WDR72: variants seen among roughly 807,000 people sequenced by gnomAD.
WDR72 encodes WD repeat-containing protein 72.
Under a neutral mutation model 124.2 loss-of-function variants are expected in WDR72, and 120 were observed. The ratio of observed to expected loss-of-function variants is 0.97; its 90% CI spans 0.83 to 1.12. The LOEUF is 1.12. Ranked by LOEUF, WDR72 falls within the 50% of genes most tolerant of loss-of-function variation. The pLI, the probability that WDR72 is intolerant of heterozygous loss-of-function variation, is 0.00. For synonymous variants in WDR72, 452 were observed against 441.7 expected (o/e 1.02, Z -0.29); for missense variants, 1,387 against 1,278.8 (o/e 1.08, Z -1.29).
intron 12 of WDR72, among the ~76,000 whole-genome samples, chr15:53,701,129 T>C (rs996162087): frequency 1.3e-5 from 2 of 152,248 alleles, no homozygotes; most frequent in Non-Finnish European, 2.9e-5. Flanking sequence ...TAAGTTGACA[T>C]TTCATGAGAA....
intron 18 of WDR72, among the ~76,000 whole-genome samples, chr15:53,584,151 C>T (rs1204651542): frequency 2.0e-5 from 3 of 151,798 alleles, no homozygotes; most frequent in Admixed American, 6.6e-5. Context: ...AAATGGTAAA[C>T]GATTACAGAT....
At chr15:53,733,343 T>A (rs1567054999) in intron 1 of WDR72, among the ~76,000 whole-genome samples, 182 bp from the exon 2 acceptor site, 1 of 152,206 alleles carries the variant, frequency 6.6e-6, no homozygotes, top group Non-Finnish European at 1.5e-5. Flanking sequence ...GAAATTACCA[T>A]GCACACTGCT....
At position 53,517,295 on chromosome 15, in the gene WDR72, T is replaced by C. The variant is rs1356253174; in HGVS notation, c.*404A>G. 1 of 175,894 alleles carries C rather than the reference T, an allele frequency of 5.7e-6. No individual in the cohort carries two copies. Among genetic ancestry groups the C allele is most frequent in the Non-Finnish European group, 1.2e-5 (1 of 82,238 alleles). The allele number at this position is 175,894 out of a possible 1,614,324, so 10.9% of individuals were successfully genotyped here. A position where few individuals can be genotyped will look rare whatever the true frequency, so the allele number is the denominator to read the frequency against. On this transcript the variant is annotated 3_prime_UTR_variant, in exon 20 of 20. Coordinates refer to ENST00000360509, the MANE Select transcript of WDR72 (RefSeq NM_182758.4). ...TAAATACCTTGAAGCAGTATTAAAT[T>C]TGTAAGTAAGTATTGTGTACTACAT...
chr15:53,535,626 C>T (rs1475849546), intron 18 of WDR72, among the ~76,000 whole-genome samples: 2 of 152,162 alleles, frequency 1.3e-5, no homozygotes, highest in African/African-American at 4.8e-5. Context: ...TCTCCTATTT[C>T]CCACAGTAAA....
At chr15:53,539,944 G>T (rs1328144028) in intron 18 of WDR72, among the ~76,000 whole-genome samples, 3 of 152,100 alleles carry the variant, frequency 2.0e-5, no homozygotes, top group Non-Finnish European at 4.4e-5. Context: ...TAAAAGGATA[G>T]ACAGGATATA....
intron 10 of WDR72, 53 bp downstream of exon 10, chr15:53,705,874 A>C: frequency 6.3e-7 from 1 of 1,598,686 alleles, no homozygotes. Flanking sequence ...ACAATGAATT[A>C]ATTACAAATT....
intron 13 of WDR72, among the ~76,000 whole-genome samples, chr15:53,698,365 T>C (rs1365732616): frequency 6.6e-6 from 1 of 152,212 alleles, no homozygotes; most frequent in Non-Finnish European, 1.5e-5. Flanking sequence ...GGCACATTAA[T>C]AAGCATATGT....
At chr15:53,722,665 T>C in intron 3 of WDR72, 137 bp downstream of exon 3, 1 of 748,102 alleles carries the variant, frequency 1.3e-6, no homozygotes, top group South Asian at 1.5e-5. Flanking sequence ...TCAAACTTTC[T>C]ATATCTAAAT....
chr15:53,671,573 G>A (rs1001356770), intron 13 of WDR72, among the ~76,000 whole-genome samples: 2 of 152,138 alleles, frequency 1.3e-5, no homozygotes, highest in African/African-American at 4.8e-5. Context: ...GAAAAGAGGT[G>A]GCTATAAAGC....
At chr15:53,633,393 T>A (rs1195528506) in intron 14 of WDR72, among the ~76,000 whole-genome samples, 1 of 152,242 alleles carries the variant, frequency 6.6e-6, no homozygotes, top group Non-Finnish European at 1.5e-5. Flanking sequence ...CTATGCTTCC[T>A]GTACAGCCTG....
chr15:53,641,974 G>A (rs1003073231), intron 14 of WDR72, among the ~76,000 whole-genome samples: 7 of 151,344 alleles, frequency 4.6e-5, no homozygotes, highest in Non-Finnish European at 1.0e-4. Flanking sequence ...TGCTTAAGCT[G>A]TCAGAAAAAA....
At chr15:53,654,735 C>T (rs1339672717) in intron 14 of WDR72, among the ~76,000 whole-genome samples, 6 of 152,114 alleles carry the variant, frequency 3.9e-5, no homozygotes, top group Admixed American at 3.9e-4. Context: ...ATATTGAGGG[C>T]ATAATTTGTC....
chr15:53,557,796 C>A (rs1157536284), intron 18 of WDR72, among the ~76,000 whole-genome samples: 2 of 151,904 alleles, frequency 1.3e-5, no homozygotes, highest in African/African-American at 4.8e-5. Context: ...TATTACAGTT[C>A]AAAAAATGTT....
intron 18 of WDR72, among the ~76,000 whole-genome samples, chr15:53,530,009 C>T (rs1166106230): frequency 1.3e-5 from 2 of 151,804 alleles, no homozygotes; most frequent in South Asian, 4.2e-4. Context: ...GGAGGTTTGC[C>T]TAGATTTCTT....
At chr15:53,560,663 G>T (rs557676245) in intron 18 of WDR72, among the ~76,000 whole-genome samples, 1 of 151,852 alleles carries the variant, frequency 6.6e-6, no homozygotes, top group Non-Finnish European at 1.5e-5. Flanking sequence ...AACTTTGGAA[G>T]TCTAGTTTAA....
At chr15:53,677,639 A>G (rs751512526) in intron 13 of WDR72, among the ~76,000 whole-genome samples, 3 of 152,148 alleles carry the variant, frequency 2.0e-5, no homozygotes, top group Non-Finnish European at 2.9e-5. Context: ...TCCTGCTGCC[A>G]TGGAGGACAT....
chr15:53,725,783 G>C (rs1328141760), intron 2 of WDR72, among the ~76,000 whole-genome samples: 1 of 152,156 alleles, frequency 6.6e-6, no homozygotes, highest in Non-Finnish European at 1.5e-5. Flanking sequence ...GTGGTTGTCA[G>C]GGGTTTGTGG....
At chr15:53,694,336 T>A (rs1355625389) in intron 13 of WDR72, among the ~76,000 whole-genome samples, 2 of 152,160 alleles carry the variant, frequency 1.3e-5, no homozygotes, top group Non-Finnish European at 2.9e-5. Context: ...TTGCTTCTCC[T>A]CCCTTCCCAT....
chr15:53,523,237 C>A lies in WDR72; in HGVS notation c.3234G>T (p.Leu1078Phe). 1 of 1,613,034 alleles carries A rather than the reference C, an allele frequency of 6.2e-7. No homozygotes were observed. The highest frequency in any genetic ancestry group is 8.5e-7 in the Non-Finnish European group (1 of 1,179,348). ...TTTCACCTGGACTCTCAGACTCTTC[C>A]AAGGCACATCTGTCAGGCATGTCCT... is the stretch of plus-strand genomic sequence containing the variant. The part of the protein sequence containing the change: ...DVEDMPDRCA[L>F]EESESPGEPR... Residue 1078 changes from leucine to phenylalanine, a missense_variant, in exon 19 of 20, where the codon TTG (leucine) becomes TTT (phenylalanine). Leu to Phe is a conservative substitution (Grantham distance 22, BLOSUM62 0). Coordinates refer to ENST00000360509, the MANE Select transcript of WDR72 (RefSeq NM_182758.4).
Sources: gnomAD v4.1 joint callset for allele counts (sites outside exome capture counted in the v4.1 genomes callset) on GRCh38, gnomAD v4.1.1 for gene constraint, MANE v1.5 for transcripts, NCBI Gene and HGNC (gene_info 2026-07-23, HGNC 2026-07-21) for gene names.